The following TMEM106A variants were observed in gnomAD, a reference collection of about 807,000 sequenced individuals.
TMEM106A encodes the protein transmembrane protein 106A.
A neutral mutation model predicts 25.1 loss-of-function variants in TMEM106A; 22 were observed. The ratio of observed to expected loss-of-function variants is 0.88; its 90% confidence interval spans 0.63 to 1.25. TMEM106A has a LOEUF of 1.25. TMEM106A is among the 50% of genes most tolerant of loss of function. The pLI is 0.00. For missense variants in TMEM106A, 275 were observed against 318.1 expected, an observed-to-expected ratio of 0.86 and a Z score of 1.03; for synonymous variants, 104 against 129.9, an observed-to-expected ratio of 0.80 and a Z score of 1.35.
At chr17:43,217,162 C>A in intron 7 of TMEM106A, 97 bp from the exon 8 acceptor site, 1 of 1,274,336 alleles carries the variant, frequency 7.8e-7, no homozygotes, top group Non-Finnish European at 1.1e-6. Context: ...GGAAAGAGTT[C>A]TGTGGGGTAA....
At chr17:43,217,136 G>C (rs2057493978) in intron 7 of TMEM106A, 123 bp from the exon 8 acceptor site, 1 of 990,696 alleles carries the variant, frequency 1.0e-6, no homozygotes, top group East Asian at 2.4e-5. Flanking sequence ...TGACATTTTG[G>C]GGGCACCTGA....
intron 3 of TMEM106A, 60 bp from the exon 4 acceptor site, chr17:43,213,768 C>T (rs2057458578): frequency 6.4e-7 from 1 of 1,555,556 alleles, no homozygotes; most frequent in African/African-American, 1.4e-5. Flanking sequence ...GGGAAGCTGG[C>T]ACAGTAAATA....
At position 43,217,702 on chromosome 17, in the gene TMEM106A, C is replaced by T; in HGVS notation, c.690C>T (p.Tyr230=). The change falls in exon 9 of 9, where the codon TAC becomes TAT. Residue 230 remains tyrosine (Y), a synonymous_variant. Transcript: ENST00000612339. The stretch of plus-strand genomic sequence containing the variant: ...CCAGGGGCACCCTGACCTGTTCATA[C>T]CTGAGCCATTCAGAGCAGCTGGTCT... ...LHIQGTLTCS[Y]LSHSEQLVFQ... 6.2e-7 allele frequency: 1 copy of T among 1,614,216 alleles called. No homozygotes were observed. The highest frequency in any genetic ancestry group is 1.1e-5 in the South Asian group (1 of 91,088).
Position 43,218,836 on chromosome 17 carries a change from A to G in TMEM106A, c.*1035A>G, listed in dbSNP as rs908255654. The G allele has an allele frequency of 6.6e-6, 1 of 152,226 alleles. No individual in the cohort carries two copies. The highest frequency in any genetic ancestry group is 6.5e-5 in the Admixed American group (1 of 15,276). 9.4% of individuals were successfully genotyped at this position (152,226 alleles called of 1,614,324 possible). On this transcript the variant is annotated 3_prime_UTR_variant, in exon 9 of 9. Coordinates refer to ENST00000612339, the MANE Select transcript of TMEM106A (RefSeq NM_145041.4). ...GTAACTTGTCTGCCACCCATCTGAT[A>G]GTAAGATTAGCCAAGGCCCTTTAGC... is the stretch of plus-strand genomic sequence containing the variant.
Position 43,218,043 on chromosome 17 carries a change from G to T in TMEM106A, c.*242G>T. ...GGGCTGCCATCAGATTCTGCCCTTGGTTAGTTTTTTGTTTTTTTTTTGGTA... is the reference window on the plus strand; with the variant it reads ...GGGCTGCCATCAGATTCTGCCCTTGTTTAGTTTTTTGTTTTTTTTTTGGTA... On this transcript the variant is annotated 3_prime_UTR_variant, in exon 9 of 9. Transcript: ENST00000612339. The T allele has an allele frequency of 3.8e-6, 2 of 531,120 alleles. No individual in the cohort carries two copies. The highest frequency in any genetic ancestry group is 3.2e-6 in the Non-Finnish European group (1 of 313,384). The allele number at this position is 531,120 out of a possible 1,614,324, so 32.9% of individuals were successfully genotyped here. A position where few individuals can be genotyped will look rare whatever the true frequency, so the allele number is the denominator to read the frequency against.
rs148483239 is a variant in TMEM106A at position 43,215,810 on chromosome 17, G to A, written c.298G>A (p.Val100Met). 177 of 1,613,874 alleles carry A rather than the reference G, an allele frequency of 1.1e-4. 1 individual carries two copies. In the African/African-American group the frequency reaches 1.3e-3, roughly 12 times the overall value. Reference protein sequence around the residue: ...KHTKLFVFLAVLICLVTSSFI... With the variant: ...KHTKLFVFLAMLICLVTSSFI... ...CAGGAAGCTCTTTGTGTTCCTGGCCGTGCTCATCTGCCTGGTGACCTCCTC... is the reference window on the plus strand; with the variant it reads ...CAGGAAGCTCTTTGTGTTCCTGGCCATGCTCATCTGCCTGGTGACCTCCTC... The change falls in exon 5 of 9, where the codon GTG (valine) becomes ATG (methionine). Residue 100 changes from valine to methionine, a missense_variant. Val to Met is a conservative substitution (Grantham distance 21). Transcript: ENST00000612339.
intron 8 of TMEM106A, 125 bp downstream of exon 8, chr17:43,217,437 AG>A: frequency 7.5e-7 from 1 of 1,329,804 alleles, no homozygotes. Context: ...TCTTGGGAAT[AG>A]CAAGTCTAGC....
Position 43,211,889 on chromosome 17 carries a change from T to A in TMEM106A, c.-223T>A, listed in dbSNP as rs1469128448. ...TTCGCTCCCGCATTTTCGATTCCAC[T>A]CTCTTCCGTTTCTGTCGCTGCAGTC... On this transcript the variant is annotated 5_prime_UTR_variant, in exon 1 of 9. Transcript: ENST00000612339. 4 of 152,166 alleles carry A rather than the reference T, an allele frequency of 2.6e-5. No individual in the cohort carries two copies. The highest frequency in any genetic ancestry group is 4.8e-5 in the African/African-American group (2 of 41,352). 9.4% of individuals were successfully genotyped at this position (152,166 alleles called of 1,614,324 possible).
chr17:43,214,040 A>T, intron 4 of TMEM106A, 149 bp downstream of exon 4: 2 of 789,982 alleles, frequency 2.5e-6, no homozygotes, highest in Non-Finnish European at 4.0e-6. Context: ...CTTACGTCCA[A>T]GGATTTTTTC....
chr17:43,217,237 G>A (rs777626761), intron 7 of TMEM106A, 22 bp from the exon 8 acceptor site: 16 of 1,613,964 alleles, frequency 9.9e-6, no homozygotes, highest in Admixed American at 5.0e-5. Flanking sequence ...GTGGTCCCAC[G>A]TTCTCTTTTC....
chr17:43,217,899 A>T lies in TMEM106A; in HGVS notation c.*98A>T. ...GGAAGGACTACAGAGGCTTTGCCAAAGGAGAAGCCCTGCCTCATCACACCC... is the reference window on the plus strand; with the variant it reads ...GGAAGGACTACAGAGGCTTTGCCAATGGAGAAGCCCTGCCTCATCACACCC... On this transcript the variant is annotated 3_prime_UTR_variant, in exon 9 of 9. Transcript: ENST00000612339. 6.4e-7 allele frequency: 1 copy of T among 1,560,610 alleles called. No individual in the cohort carries two copies. The highest frequency in any genetic ancestry group is 8.7e-7 in the Non-Finnish European group (1 of 1,149,850).
intron 4 of TMEM106A, among the ~76,000 whole-genome samples, chr17:43,214,995 C>T (rs2057471959): frequency 1.3e-5 from 2 of 150,126 alleles, no homozygotes; most frequent in African/African-American, 4.9e-5. Flanking sequence ...CCCTGTAATC[C>T]CAGCACTTTG....
intron 4 of TMEM106A, chr17:43,214,095 AAT>A: frequency 1.9e-6 from 1 of 528,702 alleles, no homozygotes; most frequent in Non-Finnish European, 3.3e-6. Context: ...TCATGCCTGT[AAT>A]CCCAGCACTT....
intron 2 of TMEM106A, among the ~76,000 whole-genome samples, chr17:43,212,696 A>T (rs2057445341): frequency 6.6e-6 from 1 of 152,238 alleles, no homozygotes; most frequent in Non-Finnish European, 1.5e-5. Flanking sequence ...ACTGAATGAC[A>T]GCTCAGCAAC....
intron 7 of TMEM106A, 162 bp downstream of exon 7, chr17:43,216,902 C>T (rs2057492102): frequency 1.1e-6 from 1 of 902,604 alleles, no homozygotes; most frequent in East Asian, 2.4e-5. Context: ...GGTCCCCAGC[C>T]TCTGCTTGTT....
intron 5 of TMEM106A, chr17:43,216,177 T>A: frequency 1.5e-6 from 1 of 649,420 alleles, no homozygotes; most frequent in Non-Finnish European, 2.6e-6. Flanking sequence ...AGGGGTGGAG[T>A]GGGGTGACAG....
intron 8 of TMEM106A, 39 bp downstream of exon 8, chr17:43,217,351 T>C: frequency 6.2e-7 from 1 of 1,609,542 alleles, no homozygotes; most frequent in Non-Finnish European, 8.5e-7. Context: ...CTGCTCTCAC[T>C]TCTGACTTCA....
At chr17:43,217,399 C>A in intron 8 of TMEM106A, 87 bp downstream of exon 8, 1 of 1,488,064 alleles carries the variant, frequency 6.7e-7, no homozygotes, top group Non-Finnish European at 9.4e-7. Flanking sequence ...GAGAGTCTTC[C>A]AAGCTGACCC....
chr17:43,217,542 C>T (rs2057497948), intron 8 of TMEM106A, 139 bp from the exon 9 acceptor site: 4 of 1,485,820 alleles, frequency 2.7e-6, no homozygotes, highest in African/African-American at 1.4e-5. Flanking sequence ...GGCAGCTGTC[C>T]CAGGTACCTT....
Sources: allele counts gnomAD v4.1 joint callset (sites outside exome capture counted in the v4.1 genomes callset), GRCh38; gene constraint gnomAD v4.1.1; transcripts MANE v1.5; gene names NCBI Gene and HGNC (gene_info 2026-07-23, HGNC 2026-07-21).